Variants in DCC observed in about 807,000 individuals in gnomAD.
The protein encoded by DCC is netrin receptor DCC.
In DCC, 58 loss-of-function variants were observed where a neutral mutation model predicts 172.5. The observed-to-expected ratio is 0.34, with a 90% CI of 0.27 to 0.42. The LOEUF is 0.42. DCC is among the 10% of genes least tolerant of loss of function. The pLI is 1.00. For missense variants in DCC, 1,740 were observed against 1,791.0 expected (o/e 0.97, Z 0.51); for synonymous variants, 709 against 644.5 (o/e 1.10, Z -1.52).
At chr18:52,450,379 T>C (rs1568175893) in intron 1 of DCC, among the ~76,000 whole-genome samples, 1 of 152,200 alleles carries the variant, frequency 6.6e-6, no homozygotes, top group Non-Finnish European at 1.5e-5. Context: ...GAACATCTAC[T>C]ATATACCAGA....
intron 25 of DCC, among the ~76,000 whole-genome samples, chr18:53,476,870 A>G (rs1406839887): frequency 2.0e-5 from 3 of 152,208 alleles, no homozygotes; most frequent in Non-Finnish European, 4.4e-5. Flanking sequence ...TTATAATTCA[A>G]TGAGAAAAAA....
At chr18:53,118,628 T>A (rs2043440345) in intron 7 of DCC, among the ~76,000 whole-genome samples, 1 of 151,806 alleles carries the variant, frequency 6.6e-6, no homozygotes, top group African/African-American at 2.4e-5. Context: ...GGTCCCTGTA[T>A]AAGTGGGGAC....
chr18:52,979,749 T>C (rs1167016080), intron 5 of DCC, among the ~76,000 whole-genome samples: 3 of 152,186 alleles, frequency 2.0e-5, no homozygotes, highest in African/African-American at 7.2e-5. Context: ...GGGTAACATA[T>C]CCAGTCAGAT....
chr18:53,373,793 A>AT (rs898255804), intron 15 of DCC, among the ~76,000 whole-genome samples: 4 of 152,176 alleles, frequency 2.6e-5, no homozygotes, highest in African/African-American at 9.6e-5. Flanking sequence ...AGGCAATCTT[A>AT]TTGCCATTGC....
At chr18:52,552,076 T>C (rs1264912732) in intron 1 of DCC, among the ~76,000 whole-genome samples, 1 of 151,948 alleles carries the variant, frequency 6.6e-6, no homozygotes, top group Admixed American at 6.6e-5. Context: ...AACAAGTAAT[T>C]CCAAGTGAGA....
intron 1 of DCC, among the ~76,000 whole-genome samples, chr18:52,406,200 A>C (rs1446346015): frequency 1.3e-5 from 2 of 151,310 alleles, no homozygotes; most frequent in East Asian, 3.9e-4. Context: ...TAAATGTTAG[A>C]CCTAAAACCA....
chr18:53,499,933 G>T (rs1030309350), intron 27 of DCC, among the ~76,000 whole-genome samples: 59 of 152,240 alleles, frequency 3.9e-4, no homozygotes, highest in African/African-American at 1.4e-3. Context: ...ATTCTAATTT[G>T]TGCCTTTCAA....
At chr18:53,350,094 A>G (rs939607483) in intron 15 of DCC, among the ~76,000 whole-genome samples, 2 of 152,184 alleles carry the variant, frequency 1.3e-5, no homozygotes, top group African/African-American at 4.8e-5. Context: ...CAGATTATAT[A>G]TAAATATACA....
intron 7 of DCC, among the ~76,000 whole-genome samples, chr18:53,134,140 C>A (rs2043702047): frequency 6.6e-6 from 1 of 152,084 alleles, no homozygotes; most frequent in South Asian, 2.1e-4. Context: ...TTTTAAATAT[C>A]TATTTACAGC....
rs111762267 is a variant in DCC, at chr18:53,098,620, A to C, written c.1261+32454A>C. Among the ~76,000 whole-genome samples, 1,435 of 152,292 alleles carry C rather than the reference A, an allele frequency of 9.4e-3. 31 individuals carry two copies. Among genetic ancestry groups the C allele is most frequent in the African/African-American group, 0.032 (1,335 of 41,570 alleles). On this transcript the variant is annotated intron_variant, in intron 7 of 28. Transcript: ENST00000442544. ...ATCACATTGGGTGGCATATGACATC[A>C]ATTTGTCCCATGATTGATGGTGATA...
At chr18:53,456,005 G>A (rs1231361270) in intron 23 of DCC, among the ~76,000 whole-genome samples, 1 of 152,246 alleles carries the variant, frequency 6.6e-6, no homozygotes, top group Non-Finnish European at 1.5e-5. Context: ...AGGAAACAGA[G>A]TTTGCTCCAC....
chr18:53,371,642 G>T (rs903708597), intron 15 of DCC, among the ~76,000 whole-genome samples: 12 of 151,990 alleles, frequency 7.9e-5, no homozygotes, highest in Admixed American at 5.9e-4. Flanking sequence ...ATAATGAATT[G>T]TTATGAGAAG....
At chr18:53,389,745 G>A (rs1273289181) in intron 16 of DCC, among the ~76,000 whole-genome samples, 1 of 152,088 alleles carries the variant, frequency 6.6e-6, no homozygotes, top group Non-Finnish European at 1.5e-5. Flanking sequence ...AAGCATTCTG[G>A]AACTGACTCC....
chr18:53,310,172 A>G (rs2057249938), intron 13 of DCC, among the ~76,000 whole-genome samples: 1 of 151,980 alleles, frequency 6.6e-6, no homozygotes, highest in Non-Finnish European at 1.5e-5. Flanking sequence ...ACATTAAGGA[A>G]CCAGGGAGCG....
chr18:52,423,568 T>C (rs1286130105), intron 1 of DCC, among the ~76,000 whole-genome samples: 2 of 152,056 alleles, frequency 1.3e-5, no homozygotes, highest in Non-Finnish European at 2.9e-5. Flanking sequence ...AAAAAAAGTT[T>C]CCATTCTGTC....
chr18:52,428,427 G>A (rs1386788698), intron 1 of DCC, among the ~76,000 whole-genome samples: 4 of 152,096 alleles, frequency 2.6e-5, no homozygotes, highest in Non-Finnish European at 4.4e-5. Flanking sequence ...TCCTAATTAA[G>A]AGGATACAAC....
intron 1 of DCC, among the ~76,000 whole-genome samples, chr18:52,739,332 A>G (rs78604944): frequency 0.035 from 5,338 of 152,162 alleles, 133 homozygotes; most frequent in Admixed American, 0.048. Flanking sequence ...ATTTTTCCAA[A>G]TTATTCGTTT....
intron 1 of DCC, among the ~76,000 whole-genome samples, chr18:52,373,893 T>A (rs1024001582): frequency 6.9e-6 from 1 of 144,216 alleles, no homozygotes; most frequent in Non-Finnish European, 1.5e-5. Context: ...GCATCATTTT[T>A]TTTTTTTTTT....
intron 2 of DCC, among the ~76,000 whole-genome samples, chr18:52,833,946 G>A (rs2038659699): frequency 6.6e-6 from 1 of 151,914 alleles, no homozygotes; most frequent in Non-Finnish European, 1.5e-5. Flanking sequence ...TTACACTGAA[G>A]ATGGTTTTAC....
Sources: allele counts gnomAD v4.1 joint callset (sites outside exome capture counted in the v4.1 genomes callset), GRCh38; gene constraint gnomAD v4.1.1; transcripts MANE v1.5; gene names NCBI Gene and HGNC (gene_info 2026-07-23, HGNC 2026-07-21).